The following TRIP12 variants were observed in gnomAD, a reference collection of about 807,000 sequenced individuals.
The protein encoded by TRIP12 is E3 ubiquitin-protein ligase TRIP12.
Under a neutral mutation model 244.2 loss-of-function variants are expected in TRIP12, and 25 were observed. The observed-to-expected ratio is 0.10, with a 90% CI of 0.07 to 0.14. The LOEUF (loss-of-function observed/expected upper bound fraction) is 0.14, where lower values mean the gene tolerates loss of function less well. TRIP12 is among the 10% of genes least tolerant of loss of function. TRIP12 has a pLI of 1.00. For synonymous variants in TRIP12, 905 were observed against 873.1 expected, an observed-to-expected ratio of 1.04 and a Z score of -0.64; for missense variants, 1,677 against 2,486.4, an observed-to-expected ratio of 0.67 and a Z score of 6.92.
At chr2:229,779,733 C>G (rs964775391) in intron 34 of TRIP12, among the ~76,000 whole-genome samples, 1 of 152,154 alleles carries the variant, frequency 6.6e-6, no homozygotes, top group Non-Finnish European at 1.5e-5. Context: ...CCTGAAGATT[C>G]TGATCTGGCA....
intron 17 of TRIP12, 200 bp from the exon 18 acceptor site, chr2:229,806,083 G>A: frequency 4.6e-6 from 2 of 434,590 alleles, no homozygotes; most frequent in South Asian, 6.6e-5. Flanking sequence ...TTAGACATAG[G>A]TTACATGCCT....
intron 1 of TRIP12, among the ~76,000 whole-genome samples, chr2:229,913,956 GTGTAAGTATA>G: frequency 6.6e-6 from 1 of 152,150 alleles, no homozygotes; most frequent in East Asian, 1.9e-4. Context: ...AGAAAGTTAA[GTGTAAGTATA>G]TATATTTCTA....
chr2:229,855,124 G>A (rs529376825), intron 4 of TRIP12, among the ~76,000 whole-genome samples: 183 of 152,162 alleles, frequency 1.2e-3, no homozygotes, highest in Non-Finnish European at 2.1e-3. Context: ...AAAATTAGCC[G>A]GGCATGGTGG....
At chr2:229,908,039 C>T (rs1467414173) in intron 1 of TRIP12, among the ~76,000 whole-genome samples, 2 of 151,914 alleles carry the variant, frequency 1.3e-5, no homozygotes. Flanking sequence ...AGTGTTCGCT[C>T]TTACCCACTT....
intron 11 of TRIP12, 130 bp downstream of exon 11, chr2:229,814,969 T>C: frequency 1.5e-6 from 1 of 683,562 alleles, no homozygotes; most frequent in Middle Eastern, 2.8e-4. Context: ...AAACTATTGA[T>C]CTGCTGGACA....
intron 26 of TRIP12, 196 bp downstream of exon 26, chr2:229,794,983 T>C (rs1170946031): frequency 1.3e-5 from 6 of 463,052 alleles, no homozygotes; most frequent in Non-Finnish European, 1.8e-5. Context: ...TAAAGCATCC[T>C]GTTTAAGGCA....
At chr2:229,771,215 T>C (rs541906948) in intron 39 of TRIP12, among the ~76,000 whole-genome samples, 1 of 152,354 alleles carries the variant, frequency 6.6e-6, no homozygotes, top group African/African-American at 2.4e-5. Flanking sequence ...TACAGAAACA[T>C]GTAGAACATG....
chr2:229,908,988 G>A (rs1221015707), intron 1 of TRIP12, among the ~76,000 whole-genome samples: 1 of 150,688 alleles, frequency 6.6e-6, no homozygotes, highest in African/African-American at 2.4e-5. Context: ...TACTGAGGAG[G>A]CTGAGGCAGG....
intron 6 of TRIP12, among the ~76,000 whole-genome samples, chr2:229,834,916 A>C (rs1308443804): frequency 6.6e-6 from 1 of 152,182 alleles, no homozygotes; most frequent in Non-Finnish European, 1.5e-5. Context: ...TTTCCAAATA[A>C]ATGTTTCCAA....
chr2:229,859,703 A>G (rs941473132), intron 3 of TRIP12, 129 bp from the exon 4 acceptor site: 1 of 1,069,104 alleles, frequency 9.4e-7, no homozygotes, highest in Non-Finnish European at 1.3e-6. Context: ...GGTTTTCAGA[A>G]GGTTCAAATC....
chr2:229,858,280 T>G (rs1271290745), intron 4 of TRIP12, among the ~76,000 whole-genome samples: 1 of 152,134 alleles, frequency 6.6e-6, no homozygotes, highest in Non-Finnish European at 1.5e-5. Flanking sequence ...AGAGGATTGC[T>G]TAAGCCCAGG....
chr2:229,849,817 T>TA (rs2058302400), intron 4 of TRIP12, among the ~76,000 whole-genome samples: 1 of 151,954 alleles, frequency 6.6e-6, no homozygotes, highest in Non-Finnish European at 1.5e-5. Flanking sequence ...AAGGCTGCAG[T>TA]AAGCTATGAT....
At chr2:229,782,927 TAAAAC>T (rs986859726) in intron 34 of TRIP12, among the ~76,000 whole-genome samples, 1 of 152,082 alleles carries the variant, frequency 6.6e-6, no homozygotes, top group Non-Finnish European at 1.5e-5. Context: ...AGTTTTGTCT[TAAAAC>T]AAAAAAATTA....
chr2:229,831,892 T>TTG (rs1310264130), intron 6 of TRIP12, among the ~76,000 whole-genome samples: 1 of 149,506 alleles, frequency 6.7e-6, no homozygotes, highest in East Asian at 1.9e-4. Flanking sequence ...TTTGGGTTTT[T>TTG]TTTTTTTTTT....
At chr2:229,877,392 A>C (rs1440891582) in intron 2 of TRIP12, among the ~76,000 whole-genome samples, 1 of 151,248 alleles carries the variant, frequency 6.6e-6, no homozygotes, top group Non-Finnish European at 1.5e-5. Flanking sequence ...TAGCCGGGCA[A>C]GGTGGCAGGC....
chr2:229,788,761 A>T, intron 32 of TRIP12, 37 bp downstream of exon 32: 1 of 1,599,838 alleles, frequency 6.3e-7, no homozygotes, highest in Non-Finnish European at 8.5e-7. Context: ...ACCCAGTAAC[A>T]TTTCCAAGGC....
intron 2 of TRIP12, among the ~76,000 whole-genome samples, chr2:229,866,515 A>G (rs903248550): frequency 6.6e-6 from 1 of 152,206 alleles, no homozygotes; most frequent in African/African-American, 2.4e-5. Flanking sequence ...CAGGTATTTT[A>G]TTTCTTCATT....
intron 8 of TRIP12, among the ~76,000 whole-genome samples, chr2:229,821,497 C>G (rs2050050038): frequency 6.6e-6 from 1 of 152,148 alleles, no homozygotes; most frequent in Non-Finnish European, 1.5e-5. Flanking sequence ...TCAACTCTAG[C>G]ACTGTAGCTG....
At position 229,777,319 on chromosome 2, in the gene TRIP12, G is replaced by A. The variant is rs1399158147; in HGVS notation, c.5525C>T (p.Ser1842Phe). ...GACTGTTTCTTCTAAGCCTACCTGG[G>A]ATTTATCTTGTTCAAGTCTTTTCTT... ...RQKKRLEQDK[S>F]QTKESLQYAL... The change falls in exon 37 of 42, where the codon TCC becomes TTC. Residue 1842 changes from serine to phenylalanine, a missense_variant. Physicochemically the swap from Ser to Phe is radical, Grantham distance 155 (BLOSUM62 -2). Coordinates refer to ENST00000675903, the MANE Select transcript of TRIP12 (RefSeq NM_001348323.3). 1.2e-6 allele frequency: 2 copies of A among 1,612,574 alleles called. No homozygotes were observed. Among genetic ancestry groups the A allele is most frequent in the Non-Finnish European group, 1.7e-6 (2 of 1,179,046 alleles).
Sources: allele counts gnomAD v4.1 joint callset (sites outside exome capture counted in the v4.1 genomes callset), GRCh38; gene constraint gnomAD v4.1.1; transcripts MANE v1.5; gene names NCBI Gene and HGNC (gene_info 2026-07-23, HGNC 2026-07-21).